The following ADH1C variants were observed in gnomAD, a reference collection of about 807,000 sequenced individuals.
The protein encoded by ADH1C is alcohol dehydrogenase 1C (class I), gamma polypeptide, also known as alcohol dehydrogenase 1C.
In ADH1C, 26 loss-of-function variants were observed where a neutral mutation model predicts 35.0. The ratio of observed to expected loss-of-function variants is 0.74; its 90% confidence interval spans 0.54 to 1.03. The LOEUF is 1.03. Among genes scored for constraint, ADH1C ranks in the 50% least tolerant of loss-of-function variants. ADH1C has a pLI of 0.00. For missense variants in ADH1C, 413 were observed against 465.4 expected, an observed-to-expected ratio of 0.89 and a Z score of 1.04; for synonymous variants, 170 against 169.3, an observed-to-expected ratio of 1.00 and a Z score of -0.03.
At chr4:99,351,523 C>G (rs994481553) in intron 1 of ADH1C, among the ~76,000 whole-genome samples, 1 of 152,028 alleles carries the variant, frequency 6.6e-6, no homozygotes, top group Admixed American at 6.6e-5. Flanking sequence ...TCTTTTAAGT[C>G]GAGTTTAGTA....
intron 8 of ADH1C, among the ~76,000 whole-genome samples, chr4:99,337,786 T>C (rs1015193152): frequency 1.3e-5 from 2 of 152,092 alleles, no homozygotes; most frequent in Non-Finnish European, 2.9e-5. Context: ...TTTTGAAAAT[T>C]TGGGATCATC....
chr4:99,344,907 G>A lies in ADH1C; in HGVS notation c.522C>T (p.Gly174=), dbSNP rs55717907. The A allele has an allele frequency of 6.1e-3, 9,848 of 1,614,160 alleles. 44 individuals carry two copies. The highest frequency in any genetic ancestry group is 7.2e-3 in the Non-Finnish European group (8,471 of 1,180,030). Residue 174 remains glycine, a synonymous_variant, in exon 5 of 9, where the codon GGC becomes GGT. Transcript: ENST00000515683. ...ACCCATAACCAGTCGAAAATCCACA[G>A]CCAATGAGGCAGACTTTCTCCAGGG... ...ASPLEKVCLI[G]CGFSTGYGSA...
At position 99,347,786 on chromosome 4, in the gene ADH1C, C is replaced by G; in HGVS notation, c.79G>C (p.Val27Leu). The change falls in exon 2 of 9, where the codon GTA becomes CTA. Residue 27 changes from valine to leucine, a missense_variant. Transcript: ENST00000515683. ...TGAGCCTTAGGAGGTGCAACCTCTACCTCCTCAATGGAAAAGGGTTTCTTT... is the reference window on the plus strand; with the variant it reads ...TGAGCCTTAGGAGGTGCAACCTCTAGCTCCTCAATGGAAAAGGGTTTCTTT... ...ELKKPFSIEE[V>L]EVAPPKAHEV... The G allele has an allele frequency of 6.2e-7, 1 of 1,613,848 alleles. No homozygotes were observed. The highest frequency in any genetic ancestry group is 8.5e-7 in the Non-Finnish European group (1 of 1,179,798).
chr4:99,348,283 C>T (rs748008434), intron 1 of ADH1C, among the ~76,000 whole-genome samples: 1 of 123,596 alleles, frequency 8.1e-6, no homozygotes, highest in African/African-American at 3.0e-5. Context: ...CCCCTCCCCC[C>T]ACCCCACAAT....
intron 5 of ADH1C, among the ~76,000 whole-genome samples, chr4:99,344,401 A>G (rs1187378018): frequency 2.0e-5 from 3 of 152,172 alleles, no homozygotes; most frequent in Admixed American, 2.0e-4. Context: ...TTCGAGGTGC[A>G]TCAGGTAAGG....
chr4:99,347,100 A>G lies in ADH1C; in HGVS notation c.165T>C (p.Ser55=). The G allele has an allele frequency of 6.2e-7, 1 of 1,614,174 alleles. No homozygotes were observed. Among genetic ancestry groups the G allele is most frequent in the South Asian group, 1.1e-5 (1 of 91,076 alleles). ...CAGGAAGGGGGGTCACCAGGTTGCCACTAACCACATGCTCATCTGAACGAC... is the reference window on the plus strand; with the variant it reads ...CAGGAAGGGGGGTCACCAGGTTGCCGCTAACCACATGCTCATCTGAACGAC... ...GICRSDEHVV[S]GNLVTPLPVI... The change falls in exon 3 of 9, where the codon AGT becomes AGC. Residue 55 remains serine, a synonymous_variant. Transcript: ENST00000515683.
chr4:99,344,228 C>G (rs770304411), intron 5 of ADH1C, among the ~76,000 whole-genome samples: 5 of 152,220 alleles, frequency 3.3e-5, no homozygotes, highest in South Asian at 2.1e-4. Flanking sequence ...AGATGAGGAG[C>G]CTTTAAAGAA....
intron 1 of ADH1C, among the ~76,000 whole-genome samples, chr4:99,350,116 A>G (rs1734640016): frequency 6.6e-6 from 1 of 152,166 alleles, no homozygotes; most frequent in Non-Finnish European, 1.5e-5. Context: ...ACTTTGCAGG[A>G]TTTTCAATGT....
At chr4:99,341,949 C>T (rs2110655723) in intron 6 of ADH1C, among the ~76,000 whole-genome samples, 1 of 151,452 alleles carries the variant, frequency 6.6e-6, no homozygotes, top group African/African-American at 2.4e-5. Flanking sequence ...GAGGTTAAGG[C>T]TGCAGTGAGC....
intron 8 of ADH1C, among the ~76,000 whole-genome samples, chr4:99,337,680 A>T (rs1224883137): frequency 1.3e-5 from 2 of 152,108 alleles, no homozygotes; most frequent in African/African-American, 4.8e-5. Context: ...GCCGCTAAAA[A>T]AAATCTGTAA....
chr4:99,347,895 G>T, intron 1 of ADH1C, 49 bp from the exon 2 acceptor site: 1 of 1,601,220 alleles, frequency 6.2e-7, no homozygotes, highest in Non-Finnish European at 8.6e-7. Flanking sequence ...CACGCTTGCA[G>T]TCAGAAATTG....
At position 99,343,046 on chromosome 4, in the gene ADH1C, C is replaced by T; in HGVS notation, c.577G>A (p.Gly193Arg). ...SAVKVAKVTP[G>R]STCAVFGLGG... The stretch of plus-strand genomic sequence containing the variant: ...AGGCCAAACACAGCACAGGTAGACC[C>T]TGGGGTGACCTATGTTTTCAGAAAA... The change falls in exon 6 of 9, where the codon GGG (glycine) becomes AGG (arginine). Residue 193 changes from glycine to arginine, a missense_variant. Physicochemically the swap from Gly to Arg is moderately radical, Grantham distance 125 (BLOSUM62 -2). Transcript: ENST00000515683. 6.2e-7 allele frequency: 1 copy of T among 1,610,544 alleles called. No homozygotes were observed.
At chr4:99,350,358 T>C (rs939200206) in intron 1 of ADH1C, among the ~76,000 whole-genome samples, 4 of 152,244 alleles carry the variant, frequency 2.6e-5, no homozygotes, top group Non-Finnish European at 5.9e-5. Flanking sequence ...TGAGATTTGC[T>C]GCATGTGTCA....
chr4:99,341,642 A>G (rs2110655498), intron 6 of ADH1C, among the ~76,000 whole-genome samples: 1 of 152,274 alleles, frequency 6.6e-6, no homozygotes, highest in Middle Eastern at 3.4e-3. Flanking sequence ...TGTTACCCAC[A>G]CTGCTGGACC....
intron 2 of ADH1C, among the ~76,000 whole-genome samples, 157 bp from the exon 3 acceptor site, chr4:99,347,301 C>T (rs1021781811): frequency 6.6e-6 from 1 of 152,206 alleles, no homozygotes; most frequent in South Asian, 2.1e-4. Context: ...CAGTTTATCT[C>T]CAAGGTTATC....
intron 7 of ADH1C, 47 bp downstream of exon 7, chr4:99,340,528 A>T: frequency 6.2e-7 from 1 of 1,604,178 alleles, no homozygotes. Context: ...AAAAGGAGAG[A>T]AATTCTTAGG....
chr4:99,342,946 T>C lies in ADH1C; in HGVS notation c.677A>G (p.Asn226Ser), dbSNP rs767919757. ...GAARIIAVDI[N>S]KDKFAKAKEL... ...TTTAGCCTTTGCAAATTTGTCCTTG[T>C]TGATGTCCACAGCAATGATTCTGGC... Residue 226 changes from asparagine (N) to serine (S), a missense_variant, in exon 6 of 9, where the codon AAC becomes AGC. Asn to Ser is a conservative substitution (Grantham distance 46, BLOSUM62 1). Coordinates refer to ENST00000515683, the MANE Select transcript of ADH1C (RefSeq NM_000669.5). The C allele has an allele frequency of 2.5e-6, 4 of 1,614,204 alleles. No homozygotes were observed. The highest frequency in any genetic ancestry group is 3.4e-6 in the Non-Finnish European group (4 of 1,180,032).
intron 8 of ADH1C, 65 bp downstream of exon 8, chr4:99,339,512 G>GCTCCCCCC (rs1203375085): frequency 4.4e-6 from 3 of 687,674 alleles, no homozygotes; most frequent in Admixed American, 4.2e-5. Context: ...GCTAGACAAC[G>GCTCCCCCC]CCCCCCCCCC....
intron 1 of ADH1C, among the ~76,000 whole-genome samples, chr4:99,351,826 T>C (rs1734685780): frequency 6.6e-6 from 1 of 152,260 alleles, no homozygotes; most frequent in East Asian, 1.9e-4. Flanking sequence ...AATTAGGCAA[T>C]TAATAATATC....
Sources: allele counts gnomAD v4.1 joint callset (sites outside exome capture counted in the v4.1 genomes callset), GRCh38; gene constraint gnomAD v4.1.1; transcripts MANE v1.5; gene names NCBI Gene and HGNC (gene_info 2026-07-23, HGNC 2026-07-21).